The following SNTG1 variants were observed in gnomAD, a reference collection of about 807,000 sequenced individuals.
SNTG1 encodes the protein syntrophin gamma 1, also known as gamma-1-syntrophin.
A neutral mutation model predicts 74.7 loss-of-function variants in SNTG1; 39 were observed. The ratio of observed to expected loss-of-function variants is 0.52; its 90% CI spans 0.40 to 0.68. SNTG1 has a LOEUF of 0.68. Among genes scored for constraint, SNTG1 ranks in the 30% least tolerant of loss-of-function variants. SNTG1 has a pLI of 0.00. For missense variants in SNTG1, 685 were observed against 609.5 expected (o/e 1.12, Z -1.30); for synonymous variants, 254 against 217.1 (o/e 1.17, Z -1.49).
chr8:50,601,884 C>A (rs2094777552), intron 13 of SNTG1, among the ~76,000 whole-genome samples: 1 of 152,044 alleles, frequency 6.6e-6, no homozygotes, highest in East Asian at 1.9e-4. Context: ...TCTTTGTCTC[C>A]TCTTGTAGTT....
chr8:50,281,945 T>G lies in SNTG1; in HGVS notation c.-28+109310T>G, dbSNP rs567003733. ...GCCAAGGAATTGACATTGGACTTCA[T>G]CTACAATACTTATTGACAGAGCAGG... is the stretch of plus-strand genomic sequence containing the variant. On this transcript the variant is annotated intron_variant, in intron 2 of 18. Coordinates refer to ENST00000642720, the MANE Select transcript of SNTG1 (RefSeq NM_018967.5). Among the ~76,000 whole-genome samples the G allele has an allele frequency of 2.0e-5, 3 of 152,284 alleles. No individual in the cohort carries two copies. In the South Asian group the frequency reaches 6.2e-4, roughly 32 times the overall value.
chr8:50,187,596 T>C (rs1327555056), intron 2 of SNTG1, among the ~76,000 whole-genome samples: 1 of 152,178 alleles, frequency 6.6e-6, no homozygotes, highest in Non-Finnish European at 1.5e-5. Context: ...AATATCAAAC[T>C]GCACAAACCC....
intron 12 of SNTG1, among the ~76,000 whole-genome samples, chr8:50,579,501 T>C (rs1585743641): frequency 6.6e-6 from 1 of 152,248 alleles, no homozygotes; most frequent in Admixed American, 6.5e-5. Context: ...GAGACCTTCA[T>C]GGCAGCCCCT....
intron 1 of SNTG1, among the ~76,000 whole-genome samples, chr8:50,039,142 A>T (rs117517276): frequency 0.013 from 1,958 of 152,218 alleles, 22 homozygotes; most frequent in Non-Finnish European, 0.021. Flanking sequence ...ATTGTATCTG[A>T]TAAGTAACTT....
intron 10 of SNTG1, among the ~76,000 whole-genome samples, chr8:50,530,794 A>C (rs1211442368): frequency 6.6e-6 from 1 of 152,204 alleles, no homozygotes; most frequent in Non-Finnish European, 1.5e-5. Flanking sequence ...GATATTTAAT[A>C]CAATTTTAAT....
intron 1 of SNTG1, among the ~76,000 whole-genome samples, chr8:49,916,527 A>T (rs974213269): frequency 1.3e-5 from 2 of 152,200 alleles, no homozygotes; most frequent in Non-Finnish European, 2.9e-5. Flanking sequence ...AGATATTTTT[A>T]AAATTAAAAA....
intron 12 of SNTG1, among the ~76,000 whole-genome samples, chr8:50,577,443 C>A (rs926992603): frequency 2.7e-5 from 4 of 149,426 alleles, no homozygotes; most frequent in African/African-American, 9.8e-5. Context: ...TAATATTGGT[C>A]CATAGTTTTT....
At chr8:50,536,096 G>A (rs1016512897) in intron 10 of SNTG1, among the ~76,000 whole-genome samples, 7 of 152,120 alleles carry the variant, frequency 4.6e-5, no homozygotes, top group African/African-American at 1.4e-4. Flanking sequence ...TAGTTGCCTT[G>A]ATATGCAATT....
intron 1 of SNTG1, among the ~76,000 whole-genome samples, chr8:50,004,894 A>G (rs774416239): frequency 6.6e-6 from 1 of 152,174 alleles, no homozygotes; most frequent in African/African-American, 2.4e-5. Flanking sequence ...AAGCAGAGAA[A>G]ATGAACAAAG....
chr8:49,961,889 G>A (rs1224581496), intron 1 of SNTG1, among the ~76,000 whole-genome samples: 2 of 152,194 alleles, frequency 1.3e-5, no homozygotes, highest in Non-Finnish European at 2.9e-5. Flanking sequence ...GTCACCTCTT[G>A]AGTGTCCATC....
At chr8:50,614,975 C>T (rs2094876322) in intron 13 of SNTG1, among the ~76,000 whole-genome samples, 1 of 147,894 alleles carries the variant, frequency 6.8e-6, no homozygotes. Context: ...CGGAGTCTCA[C>T]TCTGTCGCCC....
chr8:50,164,092 C>CTTTTTT (rs3086088), intron 1 of SNTG1: 158 of 71,986 alleles, frequency 2.2e-3, no homozygotes, highest in Non-Finnish European at 3.1e-3. Context: ...GACACAATTT[C>CTTTTTT]TTTTTTTTTT....
chr8:50,224,243 A>C (rs552961335), intron 2 of SNTG1, among the ~76,000 whole-genome samples: 12 of 152,312 alleles, frequency 7.9e-5, no homozygotes, highest in African/African-American at 2.4e-4. Context: ...TTCTGCTTAC[A>C]TTGTTTTAAA....
chr8:50,146,178 T>C (rs1377295532), intron 1 of SNTG1, among the ~76,000 whole-genome samples: 2 of 152,116 alleles, frequency 1.3e-5, no homozygotes, highest in African/African-American at 2.4e-5. Context: ...TGTGTGTTTG[T>C]ATGTGTGTGA....
intron 2 of SNTG1, among the ~76,000 whole-genome samples, chr8:50,198,247 C>G (rs1015197655): frequency 6.6e-6 from 1 of 152,140 alleles, no homozygotes; most frequent in Non-Finnish European, 1.5e-5. Context: ...AGCAGTCTCC[C>G]GGGTTGAATC....
chr8:49,922,333 TTTCTAAACCAC>T (rs1425890324), intron 1 of SNTG1, among the ~76,000 whole-genome samples: 1 of 152,230 alleles, frequency 6.6e-6, no homozygotes, highest in Admixed American at 6.5e-5. Context: ...CCAATTAAGT[TTTCTAAACCAC>T]TAGTGGGCAT....
chr8:50,285,023 A>G (rs1022101441), intron 2 of SNTG1, among the ~76,000 whole-genome samples: 3 of 151,922 alleles, frequency 2.0e-5, no homozygotes, highest in Non-Finnish European at 2.9e-5. Flanking sequence ...TCTGTTTTTT[A>G]TTATTTCATT....
intron 1 of SNTG1, among the ~76,000 whole-genome samples, chr8:50,084,982 A>G (rs1441638830): frequency 1.0e-5 from 1 of 98,964 alleles, no homozygotes; most frequent in Non-Finnish European, 2.2e-5. Context: ...CTGTTATAGC[A>G]GCAGACAAGA....
chr8:50,442,396 G>T (rs2093365620), intron 5 of SNTG1, among the ~76,000 whole-genome samples: 1 of 152,048 alleles, frequency 6.6e-6, no homozygotes, highest in African/African-American at 2.4e-5. Context: ...AGCCTGGAAG[G>T]AGACAGCCAT....
Sources: allele counts gnomAD v4.1 joint callset (sites outside exome capture counted in the v4.1 genomes callset), GRCh38; gene constraint gnomAD v4.1.1; transcripts MANE v1.5; gene names NCBI Gene and HGNC (gene_info 2026-07-23, HGNC 2026-07-21).